The following TMEM41B variants were observed in gnomAD, a reference collection of about 807,000 sequenced individuals.
TMEM41B encodes the protein transmembrane protein 41B, also known as protein stasimon.
Under a neutral mutation model 31.9 loss-of-function variants are expected in TMEM41B, and 18 were observed. That is an observed-to-expected ratio of 0.56 (90% CI 0.39 to 0.84). The LOEUF (loss-of-function observed/expected upper bound fraction) is 0.84. Ranked by LOEUF, TMEM41B falls within the 40% of genes least tolerant of loss-of-function variation. The pLI is 0.00. For missense variants in TMEM41B, 322 were observed against 348.0 expected, an observed-to-expected ratio of 0.93 and a Z score of 0.59; for synonymous variants, 144 against 124.3, an observed-to-expected ratio of 1.16 and a Z score of -1.05.
intron 1 of TMEM41B, among the ~76,000 whole-genome samples, chr11:9,308,877 C>G (rs1853463707): frequency 1.3e-5 from 2 of 152,254 alleles, no homozygotes; most frequent in South Asian, 4.1e-4. Context: ...AACATGGAAG[C>G]ATTTAGCTTA....
At chr11:9,307,198 G>A (rs1478186059) in intron 1 of TMEM41B, among the ~76,000 whole-genome samples, 2 of 151,848 alleles carry the variant, frequency 1.3e-5, no homozygotes, top group African/African-American at 4.8e-5. Flanking sequence ...TGGTCATCTA[G>A]TCCATTAGTT....
chr11:9,285,932 T>C (rs929312680), intron 6 of TMEM41B, among the ~76,000 whole-genome samples: 1 of 151,964 alleles, frequency 6.6e-6, no homozygotes, highest in African/African-American at 2.4e-5. Flanking sequence ...CTGGCCAACA[T>C]GGTGAAACCC....
chr11:9,291,296 T>C (rs1022189155), intron 3 of TMEM41B, among the ~76,000 whole-genome samples: 34 of 152,020 alleles, frequency 2.2e-4, no homozygotes, highest in African/African-American at 8.2e-4. Flanking sequence ...GCAGGAGAAT[T>C]GCTTGAACTC....
chr11:9,283,703 T>TG (rs1285835738), intron 6 of TMEM41B, 110 bp from the exon 7 acceptor site: 1 of 938,298 alleles, frequency 1.1e-6, no homozygotes, highest in African/African-American at 1.8e-5. Context: ...ATTTCCATTT[T>TG]GGAAAAAAAA....
intron 1 of TMEM41B, among the ~76,000 whole-genome samples, chr11:9,299,937 T>A (rs1446293948): frequency 1.3e-5 from 2 of 152,026 alleles, no homozygotes; most frequent in Non-Finnish European, 2.9e-5. Context: ...CTCACCAACA[T>A]GGAGAAACTC....
intron 1 of TMEM41B, among the ~76,000 whole-genome samples, chr11:9,314,037 C>G (rs1263434045): frequency 6.6e-6 from 1 of 152,188 alleles, no homozygotes; most frequent in African/African-American, 2.4e-5. Context: ...TGCCTAGCGT[C>G]GTTATCATCA....
At chr11:9,285,945 T>C (rs867663232) in intron 6 of TMEM41B, among the ~76,000 whole-genome samples, 10 of 152,088 alleles carry the variant, frequency 6.6e-5, no homozygotes, top group Non-Finnish European at 1.2e-4. Flanking sequence ...TGAAACCCCA[T>C]TTCTACTAAT....
At chr11:9,303,650 C>CTTTTTTTTTTTTT (rs71062827) in intron 1 of TMEM41B, among the ~76,000 whole-genome samples, 3 of 104,774 alleles carry the variant, frequency 2.9e-5, no homozygotes, top group Non-Finnish European at 5.6e-5. Context: ...TATTCTTTTT[C>CTTTTTTTTTTTTT]TTTTTTTTTT....
At chr11:9,283,642 T>C (rs1415273410) in intron 6 of TMEM41B, 49 bp from the exon 7 acceptor site, 17 of 1,500,548 alleles carry the variant, frequency 1.1e-5, no homozygotes, top group Non-Finnish European at 1.5e-5. Flanking sequence ...CAATTGTTTT[T>C]AAAAAATTAA....
At chr11:9,307,972 G>C (rs1047071673) in intron 1 of TMEM41B, among the ~76,000 whole-genome samples, 1 of 151,930 alleles carries the variant, frequency 6.6e-6, no homozygotes, top group Non-Finnish European at 1.5e-5. Context: ...TCCTGACCTC[G>C]TGATCCGCCC....
At chr11:9,285,500 G>A (rs924781732) in intron 6 of TMEM41B, among the ~76,000 whole-genome samples, 2 of 152,038 alleles carry the variant, frequency 1.3e-5, no homozygotes, top group Non-Finnish European at 2.9e-5. Flanking sequence ...AAATCTGCTC[G>A]TATTTTTGAC....
intron 1 of TMEM41B, among the ~76,000 whole-genome samples, chr11:9,306,770 G>C (rs1202960672): frequency 6.6e-6 from 1 of 152,076 alleles, no homozygotes; most frequent in East Asian, 1.9e-4. Flanking sequence ...GATATCACTG[G>C]CAAACAGTAA....
chr11:9,290,059 A>G (rs1852919507), intron 3 of TMEM41B, among the ~76,000 whole-genome samples: 1 of 151,938 alleles, frequency 6.6e-6, no homozygotes, highest in Admixed American at 6.6e-5. Flanking sequence ...ACACACACAC[A>G]CAAACACACA....
chr11:9,297,390 G>A (rs1232852749), intron 2 of TMEM41B, among the ~76,000 whole-genome samples: 2 of 152,114 alleles, frequency 1.3e-5, no homozygotes, highest in Non-Finnish European at 2.9e-5. Flanking sequence ...AGGCCGCTCT[G>A]CTAATTTCAA....
chr11:9,306,686 A>AG (rs1359587459), intron 1 of TMEM41B, among the ~76,000 whole-genome samples: 3 of 107,052 alleles, frequency 2.8e-5, no homozygotes, highest in Admixed American at 9.1e-5. Context: ...ACTCCGTCTC[A>AG]AAAAAAAAAA....
intron 5 of TMEM41B, among the ~76,000 whole-genome samples, chr11:9,287,351 A>T (rs1455727657): frequency 6.6e-6 from 1 of 152,190 alleles, no homozygotes; most frequent in African/African-American, 2.4e-5. Context: ...GTTGGCTGAT[A>T]CAAGTGTTTC....
intron 1 of TMEM41B, among the ~76,000 whole-genome samples, chr11:9,308,762 A>C (rs1853461560): frequency 6.6e-6 from 1 of 152,194 alleles, no homozygotes; most frequent in Non-Finnish European, 1.5e-5. Flanking sequence ...CTGATGACCT[A>C]CTGACAATAA....
At chr11:9,295,925 C>T (rs756752323) in intron 2 of TMEM41B, among the ~76,000 whole-genome samples, 2 of 151,954 alleles carry the variant, frequency 1.3e-5, no homozygotes, top group Admixed American at 6.6e-5. Context: ...GGCGCGATCT[C>T]GGCTCAGTGC....
At chr11:9,287,856 ACAT>A in intron 4 of TMEM41B, 50 bp from the exon 5 acceptor site, 1 of 1,393,112 alleles carries the variant, frequency 7.2e-7, no homozygotes, top group Non-Finnish European at 1.0e-6. Flanking sequence ...CGTCTTACTC[ACAT>A]TGATTTATTC....
Sources: allele counts gnomAD v4.1 joint callset (sites outside exome capture counted in the v4.1 genomes callset), GRCh38; gene constraint gnomAD v4.1.1; transcripts MANE v1.5; gene names NCBI Gene and HGNC (gene_info 2026-07-23, HGNC 2026-07-21).